Variants in ZNF469 observed in about 807,000 individuals in gnomAD.
ZNF469 encodes the protein zinc finger protein 469.
In ZNF469, 1 loss-of-function variant was observed where a neutral mutation model predicts 1.0. That is an observed-to-expected ratio of 1.00 (90% CI 0.35 to 4.73). The LOEUF (loss-of-function observed/expected upper bound fraction) is 4.73. Ranked by LOEUF, ZNF469 falls within the 30% of genes most tolerant of loss-of-function variation. The pLI, the probability that ZNF469 is intolerant of heterozygous loss-of-function variation, is 0.16. For synonymous variants in ZNF469, 2,703 were observed against 2,363.4 expected (o/e 1.14, Z -4.17); for missense variants, 6,100 against 5,356.3 (o/e 1.14, Z -4.33).
the ZNF469 span, among the ~76,000 whole-genome samples, chr16:88,112,808 T>C: frequency 3.4e-5 from 4 of 119,152 alleles, no homozygotes; most frequent in Non-Finnish European, 6.6e-5. Context: ...GATGGAGTCT[T>C]GCTCTGTTGC....
the ZNF469 span, among the ~76,000 whole-genome samples, chr16:88,341,225 G>T: frequency 6.6e-6 from 1 of 152,196 alleles, no homozygotes; most frequent in Admixed American, 6.5e-5. Context: ...GTCTTGGGGT[G>T]TCCCTGTTCA....
rs1425517671 is a variant in ZNF469, at chr16:88,433,039, T to A, written c.5569T>A (p.Phe1857Ile). Reference sequence around the variant, plus strand: ...GAGGCCTGGCTTTGAGGGTAATGAGTTTGCACCGGCGGGGGCCTCCTCACT... The same window carrying A: ...GAGGCCTGGCTTTGAGGGTAATGAGATTGCACCGGCGGGGGCCTCCTCACT... ...AGRPGFEGNE[F>I]APAGASSLTA... is the part of the protein sequence containing the mutation. The change falls in exon 3 of 3, where the codon TTT becomes ATT. Residue 1857 changes from phenylalanine to isoleucine, a missense_variant. Coordinates refer to ENST00000565624, the MANE Select transcript of ZNF469 (RefSeq NM_001367624.2). The A allele has an allele frequency of 6.5e-7, 1 of 1,550,070 alleles. No homozygotes were observed. Among genetic ancestry groups the A allele is most frequent in the South Asian group, 1.2e-5 (1 of 84,052 alleles).
At position 88,431,779 on chromosome 16, in the gene ZNF469, G is replaced by A. The variant is rs765117778; in HGVS notation, c.4309G>A (p.Ala1437Thr). Residue 1437 changes from alanine (A) to threonine (T), a missense_variant, in exon 3 of 3, where the codon GCT becomes ACT. Transcript: ENST00000565624. ...GCTGCCAAGGAGCCCACCTGGCACC[G>A]CTGAGACGGAGCCAGGCAGGGCTGC... is the stretch of plus-strand genomic sequence containing the variant. ...PQLPRSPPGT[A>T]ETEPGRAASP... 19 of 1,549,602 alleles carry A rather than the reference G, an allele frequency of 1.2e-5. No homozygotes were observed. Among genetic ancestry groups the A allele is most frequent in the Non-Finnish European group, 1.5e-5 (17 of 1,146,956 alleles).
the ZNF469 span, among the ~76,000 whole-genome samples, chr16:88,228,906 G>A: frequency 6.6e-6 from 1 of 151,974 alleles, no homozygotes; most frequent in Admixed American, 6.5e-5. Context: ...GTGAGGCAAT[G>A]TGGGGGCTCA....
intron 1 of ZNF469, among the ~76,000 whole-genome samples, chr16:88,423,962 G>A (rs1157622164): frequency 6.6e-6 from 1 of 152,272 alleles, no homozygotes; most frequent in East Asian, 1.9e-4. Context: ...ACCTCTTGAA[G>A]GGAGGAGTGT....
the ZNF469 span, among the ~76,000 whole-genome samples, chr16:88,184,236 G>T: frequency 3.3e-5 from 5 of 152,128 alleles, no homozygotes. Flanking sequence ...ATCACCACAG[G>T]CCGAATTCCG....
intron 1 of ZNF469, among the ~76,000 whole-genome samples, chr16:88,404,634 T>C (rs949622725): frequency 6.6e-6 from 1 of 152,104 alleles, no homozygotes; most frequent in Non-Finnish European, 1.5e-5. Context: ...ACGGACGTGC[T>C]GCTATGCAAA....
At chr16:88,199,942 C>G in the ZNF469 span, among the ~76,000 whole-genome samples, 1 of 152,222 alleles carries the variant, frequency 6.6e-6, no homozygotes, top group Admixed American at 6.5e-5. Flanking sequence ...CCTTCTCTAC[C>G]AGGCAGGGCC....
chr16:88,213,329 G>T, the ZNF469 span, among the ~76,000 whole-genome samples: 3 of 152,118 alleles, frequency 2.0e-5, no homozygotes, highest in Non-Finnish European at 2.9e-5. Context: ...TCGATCTCCT[G>T]ACCTCGTAAT....
At chr16:88,315,322 C>T in the ZNF469 span, among the ~76,000 whole-genome samples, 2 of 152,198 alleles carry the variant, frequency 1.3e-5, no homozygotes, top group Non-Finnish European at 2.9e-5. Flanking sequence ...ACCTAGAAAG[C>T]AGGGCCACCA....
the ZNF469 span, among the ~76,000 whole-genome samples, chr16:88,313,227 C>G: frequency 1.3e-5 from 2 of 152,118 alleles, no homozygotes; most frequent in Non-Finnish European, 2.9e-5. Flanking sequence ...ATTATATTTT[C>G]TATCTAATTA....
the ZNF469 span, among the ~76,000 whole-genome samples, chr16:88,375,529 T>G: frequency 1.3e-5 from 2 of 152,360 alleles, no homozygotes; most frequent in East Asian, 3.9e-4. Flanking sequence ...ACCATTGCCA[T>G]GAATGGTTCC....
At chr16:88,397,852 T>A (rs564168706) in intron 1 of ZNF469, among the ~76,000 whole-genome samples, 53 of 152,192 alleles carry the variant, frequency 3.5e-4, no homozygotes, top group African/African-American at 1.3e-3. Flanking sequence ...TTGGAGACTG[T>A]GCCTGGGAGT....
chr16:88,202,146 A>C, the ZNF469 span, among the ~76,000 whole-genome samples: 1 of 152,188 alleles, frequency 6.6e-6, no homozygotes, highest in African/African-American at 2.4e-5. Context: ...AGGCATGGAC[A>C]CGGCACCTGC....
the ZNF469 span, among the ~76,000 whole-genome samples, chr16:88,292,285 G>A: frequency 1.8e-4 from 28 of 152,170 alleles, no homozygotes; most frequent in Non-Finnish European, 2.8e-4. Flanking sequence ...CCAGCACCGA[G>A]GACCATGCAT....
intron 1 of ZNF469, among the ~76,000 whole-genome samples, chr16:88,423,732 CCT>C (rs1186458352): frequency 1.3e-5 from 2 of 152,218 alleles, no homozygotes; most frequent in Non-Finnish European, 2.9e-5. Flanking sequence ...AGGCAGGAGG[CCT>C]CTGTTCCTCA....
At chr16:88,390,002 G>T (rs987636222) in intron 1 of ZNF469, among the ~76,000 whole-genome samples, 3 of 152,242 alleles carry the variant, frequency 2.0e-5, no homozygotes, top group Non-Finnish European at 2.9e-5. Flanking sequence ...CGCTGCCAGA[G>T]ATGACGCTGT....
upstream of ZNF469, among the ~76,000 whole-genome samples, chr16:88,378,365 G>A (rs577562845): frequency 2.3e-4 from 35 of 152,334 alleles, no homozygotes; most frequent in Middle Eastern, 3.4e-3. Context: ...TCCCAGGCTG[G>A]TAAAATAACT....
chr16:88,184,337 T>C, the ZNF469 span, among the ~76,000 whole-genome samples: 1 of 152,112 alleles, frequency 6.6e-6, no homozygotes, highest in African/African-American at 2.4e-5. Flanking sequence ...GTGCAGCCCC[T>C]GCTAACCTTG....
Sources: allele counts gnomAD v4.1 joint callset (sites outside exome capture counted in the v4.1 genomes callset), GRCh38; gene constraint gnomAD v4.1.1; transcripts MANE v1.5; gene names NCBI Gene and HGNC (gene_info 2026-07-23, HGNC 2026-07-21).